LONP2: variants seen among roughly 807,000 people sequenced by gnomAD.
The protein encoded by LONP2 is lon protease homolog 2, peroxisomal.
A neutral mutation model predicts 85.6 loss-of-function variants in LONP2; 60 were observed. The observed-to-expected ratio is 0.70, with a 90% CI of 0.57 to 0.87. LONP2 has a LOEUF of 0.87. Ranked by LOEUF, LONP2 falls within the 40% of genes least tolerant of loss-of-function variation. The probability of loss-of-function intolerance (pLI) is 0.00; values close to 1 mark genes in which losing one functional copy is unlikely to be tolerated. For synonymous variants in LONP2, 395 were observed against 389.7 expected, an observed-to-expected ratio of 1.01 and a Z score of -0.16; for missense variants, 860 against 1,063.5, an observed-to-expected ratio of 0.81 and a Z score of 2.66.
At chr16:48,293,632 A>T (rs1972605220) in intron 8 of LONP2, among the ~76,000 whole-genome samples, 2 of 152,046 alleles carry the variant, frequency 1.3e-5, no homozygotes, top group Non-Finnish European at 2.9e-5. Flanking sequence ...GTTACGGGGG[A>T]TTCTCACTAG....
At chr16:48,286,063 A>T (rs1972434315) in intron 8 of LONP2, among the ~76,000 whole-genome samples, 1 of 151,942 alleles carries the variant, frequency 6.6e-6, no homozygotes, top group African/African-American at 2.4e-5. Context: ...TAATTGACTG[A>T]CTTCACTTAG....
chr16:48,305,782 G>C (rs571561251), intron 11 of LONP2, among the ~76,000 whole-genome samples: 1 of 152,126 alleles, frequency 6.6e-6, no homozygotes, highest in East Asian at 1.9e-4. Context: ...TGTACTTTTT[G>C]TTTCCCAAAA....
At chr16:48,317,566 G>C (rs1973171918) in intron 11 of LONP2, among the ~76,000 whole-genome samples, 1 of 152,200 alleles carries the variant, frequency 6.6e-6, no homozygotes, top group African/African-American at 2.4e-5. Context: ...AGGATCTTTA[G>C]TAGCCACCTA....
chr16:48,353,994 GTTT>G lies in LONP2; in HGVS notation c.*2194_*2196del, dbSNP rs1960240236. 1 of 139,736 alleles carries G rather than the reference GTTT, an allele frequency of 7.2e-6. No individual in the cohort carries two copies. Among genetic ancestry groups the G allele is most frequent in the East Asian group, 2.1e-4 (1 of 4,664 alleles). 8.7% of individuals were successfully genotyped at this position (139,736 alleles called of 1,614,324 possible). ...ATTGCACTAGCTTTGTTTTTGGTTTGTTTTGTTTTTTTTTTAATTCCAGGGGTG... is the reference window on the plus strand; with the variant it reads ...ATTGCACTAGCTTTGTTTTTGGTTTGTGTTTTTTTTTTAATTCCAGGGGTG... On this transcript the variant is annotated 3_prime_UTR_variant, in exon 15 of 15. Coordinates refer to ENST00000285737, the MANE Select transcript of LONP2 (RefSeq NM_031490.5).
At chr16:48,342,308 C>T (rs9927124) in intron 12 of LONP2, among the ~76,000 whole-genome samples, 392 of 152,272 alleles carry the variant, frequency 2.6e-3, no homozygotes, top group African/African-American at 9.0e-3. Context: ...CATCCAGAAG[C>T]GAATTCCAGG....
intron 12 of LONP2, among the ~76,000 whole-genome samples, chr16:48,338,736 C>T (rs1397800742): frequency 1.3e-5 from 2 of 151,944 alleles, no homozygotes; most frequent in Admixed American, 6.6e-5. Flanking sequence ...GGCAAAATCC[C>T]TTCTCTACAA....
intron 12 of LONP2, chr16:48,345,371 GTGT>G: frequency 6.6e-6 from 1 of 152,336 alleles, no homozygotes; most frequent in Admixed American, 6.5e-5. Flanking sequence ...ATGACTTTTT[GTGT>G]TAAACACGAT....
intron 7 of LONP2, among the ~76,000 whole-genome samples, chr16:48,275,836 T>G (rs561226816): frequency 6.6e-6 from 1 of 152,256 alleles, no homozygotes; most frequent in South Asian, 2.1e-4. Flanking sequence ...GAGGAATTGC[T>G]TATATACAGT....
rs965705269 is a variant in LONP2 at position 48,352,143 on chromosome 16, C to A, written c.*341C>A. On this transcript the variant is annotated 3_prime_UTR_variant, in exon 15 of 15. Coordinates refer to ENST00000285737, the MANE Select transcript of LONP2 (RefSeq NM_031490.5). Reference sequence around the variant, plus strand: ...CATTCTCAGGCTCCACAGCAGGCCGCCTGAATCAAATCCTGGGAGGTGGGG... The same window carrying A: ...CATTCTCAGGCTCCACAGCAGGCCGACTGAATCAAATCCTGGGAGGTGGGG... 2.2e-5 allele frequency: 5 copies of A among 222,624 alleles called. No homozygotes were observed. The highest frequency in any genetic ancestry group is 1.1e-4 in the African/African-American group (5 of 44,106). 13.8% of individuals were successfully genotyped at this position (222,624 alleles called of 1,614,324 possible).
intron 11 of LONP2, among the ~76,000 whole-genome samples, chr16:48,318,373 G>A (rs1186058381): frequency 1.3e-5 from 2 of 151,980 alleles, no homozygotes. Context: ...ACAAAAATTA[G>A]CTGGGCGTGG....
At chr16:48,347,747 C>T (rs753221883) in intron 13 of LONP2, 33 bp downstream of exon 13, 3 of 1,586,812 alleles carry the variant, frequency 1.9e-6, no homozygotes, top group Non-Finnish European at 2.6e-6. Flanking sequence ...GCAGGCGTGA[C>T]CCAGGAGGCG....
Position 48,244,673 on chromosome 16 carries a change from G to A in LONP2, c.233+52G>A, listed in dbSNP as rs927950176. On this transcript the variant is annotated intron_variant, in intron 1 of 14. Transcript: ENST00000285737. ...GGCGGGCGGCGCGGCCTCCTCCGGG[G>A]ACCTGGGCCCAGGCCACGGCCTGCC... 12 of 1,261,012 alleles carry A rather than the reference G, an allele frequency of 9.5e-6. No homozygotes were observed. In the Admixed American group the frequency reaches 2.1e-4, roughly 22 times the overall value. 78.1% of individuals were successfully genotyped at this position (1,261,012 alleles called of 1,614,324 possible). A position where few individuals can be genotyped will look rare whatever the true frequency, so the allele number is the denominator to read the frequency against.
intron 11 of LONP2, 146 bp downstream of exon 11, chr16:48,303,451 C>A (rs1972849608): frequency 1.2e-6 from 1 of 833,394 alleles, no homozygotes; most frequent in Non-Finnish European, 1.9e-6. Flanking sequence ...GTAAGTAATA[C>A]CTTAATGTTT....
chr16:48,245,532 A>G (rs181338696), intron 1 of LONP2, among the ~76,000 whole-genome samples: 1 of 152,272 alleles, frequency 6.6e-6, no homozygotes, highest in East Asian at 1.9e-4. Context: ...AATTGAGATG[A>G]TAGAATTGCC....
intron 7 of LONP2, among the ~76,000 whole-genome samples, chr16:48,273,426 A>G (rs1204679688): frequency 6.6e-6 from 1 of 152,222 alleles, no homozygotes. Context: ...AACTTGGAAA[A>G]TAATAGTGAT....
At chr16:48,327,750 G>A (rs531310371) in intron 11 of LONP2, among the ~76,000 whole-genome samples, 1 of 152,236 alleles carries the variant, frequency 6.6e-6, no homozygotes, top group South Asian at 2.1e-4. Context: ...GAACCACCAC[G>A]CCCAGCCTCA....
At chr16:48,275,911 C>G (rs1272463442) in intron 7 of LONP2, among the ~76,000 whole-genome samples, 2 of 152,056 alleles carry the variant, frequency 1.3e-5, no homozygotes, top group East Asian at 3.9e-4. Flanking sequence ...TATTTTCTCT[C>G]TGTGACTTCA....
intron 11 of LONP2, among the ~76,000 whole-genome samples, chr16:48,316,445 G>A (rs552948872): frequency 6.8e-6 from 1 of 147,996 alleles, no homozygotes; most frequent in South Asian, 2.1e-4. Context: ...TCTTGCTTCA[G>A]CCTCCCGAGT....
At chr16:48,299,573 C>G (rs1187228776) in intron 9 of LONP2, 89 bp from the exon 10 acceptor site, 1 of 1,421,466 alleles carries the variant, frequency 7.0e-7, no homozygotes, top group East Asian at 2.3e-5. Flanking sequence ...CAGAGCAAGA[C>G]TCTGTCTCTA....
Sources: allele counts gnomAD v4.1 joint callset (sites outside exome capture counted in the v4.1 genomes callset), GRCh38; gene constraint gnomAD v4.1.1; transcripts MANE v1.5; gene names NCBI Gene and HGNC (gene_info 2026-07-23, HGNC 2026-07-21).